The following INPP5A variants were observed in gnomAD, a reference collection of about 807,000 sequenced individuals.
INPP5A encodes 43 kDa inositol polyphosphate 5-phophatase.
Under a neutral mutation model 65.2 loss-of-function variants are expected in INPP5A, and 14 were observed. The ratio of observed to expected loss-of-function variants is 0.21; its 90% CI spans 0.14 to 0.34. The LOEUF (loss-of-function observed/expected upper bound fraction) is 0.34. Ranked by LOEUF, INPP5A falls within the 10% of genes least tolerant of loss-of-function variation. The pLI is 1.00. For missense variants in INPP5A, 431 were observed against 545.6 expected (o/e 0.79, Z 2.09); for synonymous variants, 207 against 208.3 (o/e 0.99, Z 0.05).
chr10:132,561,375 T>C (rs2071203129), intron 1 of INPP5A, among the ~76,000 whole-genome samples: 2 of 152,200 alleles, frequency 1.3e-5, no homozygotes, highest in African/African-American at 4.8e-5. Flanking sequence ...GAGTTAATTT[T>C]TGTATCTGGT....
rs954076325 is a variant in INPP5A at position 132,727,238 on chromosome 10, C to G, written c.732+333C>G. Reference sequence around the variant, plus strand: ...CTCGATGCCCACAGAGCTGCAGCCTCTGCAGAGTGTCAGCTCCTTCACACT... The same window carrying G: ...CTCGATGCCCACAGAGCTGCAGCCTGTGCAGAGTGTCAGCTCCTTCACACT... On this transcript the variant is annotated intron_variant, in intron 9 of 15. Transcript: ENST00000368594. This position sits in a 1 kb window ranked among gnomAD's most constrained non-coding sequence, Gnocchi z 6.5. 1 of 240,412 alleles carries G rather than the reference C, an allele frequency of 4.2e-6. No individual in the cohort carries two copies. 14.9% of individuals were successfully genotyped at this position (240,412 alleles called of 1,614,324 possible).
chr10:132,594,590 G>A (rs1307169955), intron 1 of INPP5A, among the ~76,000 whole-genome samples: 1 of 151,622 alleles, frequency 6.6e-6, no homozygotes, highest in East Asian at 1.9e-4. Context: ...TAGGTGTGTG[G>A]TATGTGAGTG....
intron 1 of INPP5A, among the ~76,000 whole-genome samples, chr10:132,599,509 ATGGGCTGGCATTGAGTGTC>A (rs1430950286): frequency 1.3e-5 from 2 of 152,174 alleles, no homozygotes; most frequent in African/African-American, 4.8e-5. Flanking sequence ...GGCTGCTTTC[ATGGGCTGGCATTGAGTGTC>A]TGCGGCTTTT....
At chr10:132,732,964 G>A (rs927607698) in intron 9 of INPP5A, among the ~76,000 whole-genome samples, 2 of 152,180 alleles carry the variant, frequency 1.3e-5, no homozygotes, top group Admixed American at 1.3e-4. Flanking sequence ...CACAGCAGAA[G>A]TTTATTCTCT....
At chr10:132,595,201 C>A (rs1157199618) in intron 1 of INPP5A, among the ~76,000 whole-genome samples, 2 of 152,210 alleles carry the variant, frequency 1.3e-5, no homozygotes, top group African/African-American at 4.8e-5. Flanking sequence ...CAGGGGCCAG[C>A]TGTGCCTTTG....
At chr10:132,668,630 A>G (rs897765046) in intron 4 of INPP5A, among the ~76,000 whole-genome samples, 1 of 152,218 alleles carries the variant, frequency 6.6e-6, no homozygotes, top group African/African-American at 2.4e-5. Context: ...AAATGAAAAA[A>G]TGTTGATATT....
intron 2 of INPP5A, among the ~76,000 whole-genome samples, chr10:132,621,741 C>G (rs972274112): frequency 4.6e-5 from 7 of 150,584 alleles, no homozygotes; most frequent in Non-Finnish European, 1.0e-4. Context: ...TGTCCTTTGT[C>G]CATAAGGAAT....
chr10:132,624,277 G>C (rs113004724), intron 2 of INPP5A, among the ~76,000 whole-genome samples: 3 of 152,224 alleles, frequency 2.0e-5, no homozygotes, highest in Non-Finnish European at 1.5e-5. Context: ...ACATGGAAGC[G>C]GGGGAGCTGT....
At chr10:132,742,118 G>A (rs891760164) in intron 9 of INPP5A, among the ~76,000 whole-genome samples, 3 of 152,222 alleles carry the variant, frequency 2.0e-5, no homozygotes, top group Non-Finnish European at 4.4e-5. Flanking sequence ...GAGCTCATGC[G>A]CCATGAGCCA....
chr10:132,764,020 TCCC>T (rs1846785465), intron 11 of INPP5A, among the ~76,000 whole-genome samples: 1 of 152,256 alleles, frequency 6.6e-6, no homozygotes, highest in Non-Finnish European at 1.5e-5. Context: ...TTGGGGCCCT[TCCC>T]AGAGGCTGTG....
chr10:132,750,528 C>T (rs757086547), intron 11 of INPP5A, among the ~76,000 whole-genome samples: 8 of 152,144 alleles, frequency 5.3e-5, no homozygotes, highest in East Asian at 1.9e-4. Context: ...CGCTGAGGGG[C>T]GGCCTACACA....
At chr10:132,649,044 C>T (rs2072536436) in intron 3 of INPP5A, among the ~76,000 whole-genome samples, 1 of 152,108 alleles carries the variant, frequency 6.6e-6, no homozygotes, top group East Asian at 1.9e-4. Context: ...CCCACAGGGC[C>T]CTAAAGCTCT....
In INPP5A at chr10:132,674,662, C is replaced by T. The variant is rs760000104; in HGVS notation, c.307-15730C>T. Among the ~76,000 whole-genome samples the T allele has an allele frequency of 2.0e-5, 3 of 152,202 alleles. No homozygotes were observed. Among genetic ancestry groups the T allele is most frequent in the South Asian group, 2.1e-4 (1 of 4,834 alleles). On this transcript the variant is annotated intron_variant, in intron 4 of 15. Coordinates refer to ENST00000368594, the MANE Select transcript of INPP5A (RefSeq NM_005539.5). This position sits in a 1 kb window ranked among gnomAD's most constrained non-coding sequence, Gnocchi z 4.4. ...ATCAAGCCCAATCACATACATGCCACTTCCATTTGATGATGGAATGCTGCT... is the reference window on the plus strand; with the variant it reads ...ATCAAGCCCAATCACATACATGCCATTTCCATTTGATGATGGAATGCTGCT...
At chr10:132,628,721 T>A (rs1300175446) in intron 2 of INPP5A, among the ~76,000 whole-genome samples, 2 of 152,202 alleles carry the variant, frequency 1.3e-5, no homozygotes, top group Non-Finnish European at 2.9e-5. Flanking sequence ...AAAGAACTCT[T>A]ATAAATGAAA....
At chr10:132,781,759 C>T in intron 14 of INPP5A, 102 bp from the exon 15 acceptor site, 1 of 953,022 alleles carries the variant, frequency 1.0e-6, no homozygotes, top group Non-Finnish European at 1.7e-6. Context: ...TTCATGGCTG[C>T]CCTGGTGAGA....
intron 9 of INPP5A, among the ~76,000 whole-genome samples, chr10:132,742,667 A>C (rs980422883): frequency 6.6e-6 from 1 of 152,196 alleles, no homozygotes; most frequent in African/African-American, 2.4e-5. Flanking sequence ...CCGTGAAACA[A>C]AAAGTGCCTC....
rs185637428 is a variant in INPP5A, at chr10:132,542,680, G to C, written c.75+4509G>C. On this transcript the variant is annotated intron_variant, in intron 1 of 15. Coordinates refer to ENST00000368594, the MANE Select transcript of INPP5A (RefSeq NM_005539.5). ...GGCTGGGTGCGGGTTGTACCCAGCT[G>C]GCAGTGACTAGCCAGAATTTTTGCT... 4.3e-3 allele frequency among the ~76,000 whole-genome samples: 658 copies of C among 152,342 alleles called. 2 individuals carry two copies. Among genetic ancestry groups the C allele is most frequent in the African/African-American group, 0.015 (632 of 41,562 alleles).
At chr10:132,759,666 G>A (rs1846695060) in intron 11 of INPP5A, among the ~76,000 whole-genome samples, 1 of 152,068 alleles carries the variant, frequency 6.6e-6, no homozygotes, top group Non-Finnish European at 1.5e-5. Context: ...GCTCTCGGGG[G>A]TCCGGCTACA....
In INPP5A at chr10:132,602,241, C is replaced by T. The variant is rs114483998; in HGVS notation, c.76-5674C>T. On this transcript the variant is annotated intron_variant, in intron 1 of 15. Transcript: ENST00000368594. The stretch of plus-strand genomic sequence containing the variant: ...ATGGGATTTTAAAACATTTTCTTTT[C>T]ACATTGTTCATTGTTAGTGTTGTTT... Among the ~76,000 whole-genome samples the T allele has an allele frequency of 2.2e-3, 328 of 152,256 alleles. 1 individual carries two copies. The highest frequency in any genetic ancestry group is 7.5e-3 in the African/African-American group (310 of 41,528).
Sources: gnomAD v4.1 joint callset for allele counts (sites outside exome capture counted in the v4.1 genomes callset) on GRCh38, gnomAD v4.1.1 for gene constraint, Gnocchi (gnomAD v3.1) non-coding constraint, MANE v1.5 for transcripts, NCBI Gene and HGNC (gene_info 2026-07-23, HGNC 2026-07-21) for gene names.